Variants in WDR25 observed in about 807,000 individuals in gnomAD.
WDR25 encodes WD repeat-containing protein 25.
Under a neutral mutation model 47.7 loss-of-function variants are expected in WDR25, and 35 were observed. The ratio of observed to expected loss-of-function variants is 0.73; its 90% CI spans 0.56 to 0.97. WDR25 has a LOEUF of 0.97. Ranked by LOEUF, WDR25 falls within the 50% of genes least tolerant of loss-of-function variation. The pLI is 0.00. For missense variants in WDR25, 634 were observed against 704.7 expected (o/e 0.90, Z 1.14); for synonymous variants, 248 against 278.9 (o/e 0.89, Z 1.10).
At position 100,381,530 on chromosome 14, in the gene WDR25, C is replaced by G; in HGVS notation, c.606C>G (p.Pro202=). 6.2e-7 allele frequency: 1 copy of G among 1,613,954 alleles called. No homozygotes were observed. Among genetic ancestry groups the G allele is most frequent in the African/African-American group, 1.3e-5 (1 of 74,984 alleles). The change falls in exon 2 of 7, where the codon CCC becomes CCG. Residue 202 remains proline (P), a synonymous_variant. Transcript: ENST00000402312. The part of the protein sequence containing the change: ...GKGKDVEPQG[P]PAGRAPAPLY... ...GTAAAGACGTGGAGCCACAGGGGCC[C>G]CCTGCAGGGCGTGCCCCAGCCCCTC...
chr14:100,522,675 G>GA (rs2029916800), intron 4 of WDR25, among the ~76,000 whole-genome samples: 1 of 152,200 alleles, frequency 6.6e-6, no homozygotes, highest in Admixed American at 6.5e-5. Flanking sequence ...CTCAGCTGGA[G>GA]GTCCTGTTGT....
At chr14:100,463,618 C>T (rs1045167792) in intron 2 of WDR25, among the ~76,000 whole-genome samples, 1 of 152,196 alleles carries the variant, frequency 6.6e-6, no homozygotes, top group African/African-American at 2.4e-5. Context: ...TCCACAATGG[C>T]ATCCACAGCT....
chr14:100,423,137 GCC>G (rs1898074675), intron 2 of WDR25, among the ~76,000 whole-genome samples: 1 of 152,174 alleles, frequency 6.6e-6, no homozygotes, highest in Non-Finnish European at 1.5e-5. Flanking sequence ...TTGTCTGGGA[GCC>G]CTGTTCTTGG....
chr14:100,409,163 A>C (rs190072341), intron 2 of WDR25, among the ~76,000 whole-genome samples: 1 of 152,282 alleles, frequency 6.6e-6, no homozygotes, highest in East Asian at 1.9e-4. Flanking sequence ...TTTCTGTCTC[A>C]TGACTGGGCC....
At chr14:100,459,894 G>GTGTATATATATA (rs1172584092) in intron 2 of WDR25, among the ~76,000 whole-genome samples, 23 of 78,252 alleles carry the variant, frequency 2.9e-4, no homozygotes, top group Middle Eastern at 8.6e-3. Context: ...GTGTGTGTGT[G>GTGTATATATATA]TATATATATA....
At chr14:100,482,178 G>A (rs1454042037) in intron 3 of WDR25, among the ~76,000 whole-genome samples, 3 of 151,944 alleles carry the variant, frequency 2.0e-5, no homozygotes, top group Admixed American at 1.3e-4. Flanking sequence ...AAACTTTGTC[G>A]GCTTTGATAG....
intron 3 of WDR25, among the ~76,000 whole-genome samples, chr14:100,472,111 C>T (rs1899858997): frequency 1.3e-5 from 2 of 152,236 alleles, no homozygotes; most frequent in African/African-American, 4.8e-5. Flanking sequence ...AGGCAGGTGT[C>T]CCAGCCTGAC....
Position 100,381,268 on chromosome 14 carries a change from C to T in WDR25, c.344C>T (p.Ser115Phe), listed in dbSNP as rs1879065610. 6.2e-7 allele frequency: 1 copy of T among 1,613,980 alleles called. No homozygotes were observed. Among genetic ancestry groups the T allele is most frequent in the Admixed American group, 1.7e-5 (1 of 60,002 alleles). ...VTFPIKEPSC[S>F]SLWTSHVPAS... ...TTCCCCATCAAAGAGCCTTCTTGTT[C>T]TTCTCTGTGGACGAGCCATGTTCCA... The change falls in exon 2 of 7, where the codon TCT becomes TTT. Residue 115 changes from serine (S) to phenylalanine (F), a missense_variant. By Grantham distance (155) the Ser-to-Phe change is radical (BLOSUM62 -2). Transcript: ENST00000402312.
chr14:100,510,179 A>G (rs2140361709), intron 4 of WDR25, among the ~76,000 whole-genome samples: 1 of 152,108 alleles, frequency 6.6e-6, no homozygotes, highest in East Asian at 1.9e-4. Flanking sequence ...CTGAGGCAAG[A>G]GAATTGCTTG....
chr14:100,473,070 C>A (rs957228436), intron 3 of WDR25, among the ~76,000 whole-genome samples: 6 of 152,236 alleles, frequency 3.9e-5, no homozygotes, highest in African/African-American at 1.4e-4. Flanking sequence ...TCTTGTCTCT[C>A]CCTTGTTTTC....
At chr14:100,458,162 A>G (rs1470187508) in intron 2 of WDR25, among the ~76,000 whole-genome samples, 17 of 152,154 alleles carry the variant, frequency 1.1e-4, no homozygotes, top group Admixed American at 1.1e-3. Context: ...CCACTTTATA[A>G]AGACACAAAA....
rs2030382003 is a variant in WDR25, at chr14:100,529,711, C to T, written c.1414-109C>T. On this transcript the variant is annotated intron_variant, in intron 6 of 6. Coordinates refer to ENST00000402312, the MANE Select transcript of WDR25 (RefSeq NM_001161476.3). This position sits in a 1 kb window ranked among gnomAD's most constrained non-coding sequence, Gnocchi z 5.1. ...CCTCAGGGACACGAGGTGCGAAGCCCAGCTCTGCTCCGTCAGCTCGGGGCT... is the reference window on the plus strand; with the variant it reads ...CCTCAGGGACACGAGGTGCGAAGCCTAGCTCTGCTCCGTCAGCTCGGGGCT... 34 of 1,290,510 alleles carry T rather than the reference C, an allele frequency of 2.6e-5. No individual in the cohort carries two copies. The South Asian group carries it at 4.7e-4, about 18-fold the overall frequency. The allele number at this position is 1,290,510 out of a possible 1,614,324, so 79.9% of individuals were successfully genotyped here. A position where few individuals can be genotyped will look rare whatever the true frequency, so the allele number is the denominator to read the frequency against.
chr14:100,460,446 A>C (rs1170927986), intron 2 of WDR25, among the ~76,000 whole-genome samples: 2 of 152,198 alleles, frequency 1.3e-5, no homozygotes, highest in Non-Finnish European at 2.9e-5. Flanking sequence ...TTAGCAAATC[A>C]ATCCAACTAC....
chr14:100,461,646 C>G (rs77893690), intron 2 of WDR25, among the ~76,000 whole-genome samples: 7,492 of 152,248 alleles, frequency 0.049, 600 homozygotes, highest in African/African-American at 0.17. Context: ...CTGATCCCAT[C>G]CGTTTGGTAA....
chr14:100,447,638 T>C (rs958105080), intron 2 of WDR25, among the ~76,000 whole-genome samples: 1 of 152,100 alleles, frequency 6.6e-6, no homozygotes, highest in African/African-American at 2.4e-5. Context: ...TGGGTGGTAT[T>C]GAGCAGGGTG....
At chr14:100,423,009 G>A (rs1898070750) in intron 2 of WDR25, among the ~76,000 whole-genome samples, 1 of 152,044 alleles carries the variant, frequency 6.6e-6, no homozygotes, top group African/African-American at 2.4e-5. Context: ...ACTCATTTAT[G>A]AAAAAAATAT....
chr14:100,485,499 C>A (rs1326931492), intron 4 of WDR25, among the ~76,000 whole-genome samples: 1 of 152,174 alleles, frequency 6.6e-6, no homozygotes, highest in African/African-American at 2.4e-5. Context: ...GCAGACAGGG[C>A]AGATACAGGA....
At chr14:100,474,129 C>A (rs556183700) in intron 3 of WDR25, among the ~76,000 whole-genome samples, 1 of 152,296 alleles carries the variant, frequency 6.6e-6, no homozygotes, top group South Asian at 2.1e-4. Context: ...TACTTTCTTG[C>A]CCACTTGTGA....
chr14:100,504,152 T>G (rs1304882139), intron 4 of WDR25, among the ~76,000 whole-genome samples: 1 of 152,250 alleles, frequency 6.6e-6, no homozygotes, highest in African/African-American at 2.4e-5. Context: ...GTAAATACTT[T>G]TGTTTCTTTA....
Sources: gnomAD v4.1 joint callset for allele counts (sites outside exome capture counted in the v4.1 genomes callset) on GRCh38, gnomAD v4.1.1 for gene constraint, Gnocchi (gnomAD v3.1) non-coding constraint, MANE v1.5 for transcripts, NCBI Gene and HGNC (gene_info 2026-07-23, HGNC 2026-07-21) for gene names.